Variants in ADGRB3 observed in about 807,000 individuals in gnomAD.
ADGRB3 encodes the protein adhesion G protein-coupled receptor B3.
Under a neutral mutation model 193.4 loss-of-function variants are expected in ADGRB3, and 37 were observed. That is an observed-to-expected ratio of 0.19 (90% CI 0.15 to 0.25). The LOEUF is 0.25. Ranked by LOEUF, ADGRB3 falls within the 10% of genes least tolerant of loss-of-function variation. ADGRB3 has a pLI of 1.00. For synonymous variants in ADGRB3, 690 were observed against 644.2 expected, an observed-to-expected ratio of 1.07 and a Z score of -1.08; for missense variants, 1,637 against 1,852.9, an observed-to-expected ratio of 0.88 and a Z score of 2.14.
At chr6:69,314,752 G>A (rs1313563627) in intron 20 of ADGRB3, among the ~76,000 whole-genome samples, 2 of 151,608 alleles carry the variant, frequency 1.3e-5, no homozygotes, top group East Asian at 1.9e-4. Context: ...TGCTGTCAAT[G>A]TAGCATGTCA....
At chr6:69,298,427 A>G (rs1257899367) in intron 20 of ADGRB3, among the ~76,000 whole-genome samples, 2 of 152,056 alleles carry the variant, frequency 1.3e-5, no homozygotes, top group African/African-American at 2.4e-5. Flanking sequence ...TTTGAAATAT[A>G]CAATAAATTA....
At chr6:69,311,616 C>T (rs1240780734) in intron 20 of ADGRB3, among the ~76,000 whole-genome samples, 1 of 151,704 alleles carries the variant, frequency 6.6e-6, no homozygotes, top group East Asian at 1.9e-4. Context: ...AATGTAGTAG[C>T]CATAACAGAC....
intron 13 of ADGRB3, among the ~76,000 whole-genome samples, chr6:69,023,882 C>G (rs182003831): frequency 1.3e-5 from 2 of 152,024 alleles, no homozygotes; most frequent in African/African-American, 4.8e-5. Flanking sequence ...GATTCCATAA[C>G]TGACTGGGGT....
intron 3 of ADGRB3, among the ~76,000 whole-genome samples, chr6:68,740,722 CATA>C (rs1490228927): frequency 1.3e-5 from 2 of 152,082 alleles, no homozygotes; most frequent in African/African-American, 4.8e-5. Flanking sequence ...GTTAGTAAAA[CATA>C]ATATTTATTT....
chr6:69,033,130 G>A (rs1379793839), intron 13 of ADGRB3, among the ~76,000 whole-genome samples: 1 of 152,068 alleles, frequency 6.6e-6, no homozygotes, highest in Non-Finnish European at 1.5e-5. Context: ...CAGACTTCTA[G>A]GCAGATATTA....
chr6:68,883,096 G>A (rs924127086), intron 3 of ADGRB3, among the ~76,000 whole-genome samples: 4 of 151,988 alleles, frequency 2.6e-5, no homozygotes, highest in African/African-American at 9.7e-5. Flanking sequence ...GGGTTTCACT[G>A]TGTTAGCCAG....
chr6:69,014,833 A>C (rs1374976607), intron 12 of ADGRB3, among the ~76,000 whole-genome samples: 2 of 151,936 alleles, frequency 1.3e-5, no homozygotes, highest in African/African-American at 4.8e-5. Context: ...TGTTAAAAAT[A>C]AGACAATCTT....
At chr6:68,965,362 CCAG>C (rs1195188025) in intron 8 of ADGRB3, among the ~76,000 whole-genome samples, 1 of 152,140 alleles carries the variant, frequency 6.6e-6, no homozygotes, top group Non-Finnish European at 1.5e-5. Flanking sequence ...TCTGCATCCT[CCAG>C]CACAGGGAAT....
chr6:68,849,067 T>C (rs1262795315), intron 3 of ADGRB3, among the ~76,000 whole-genome samples: 15 of 152,030 alleles, frequency 9.9e-5, no homozygotes, highest in Admixed American at 9.8e-4. Context: ...ACTTGGATGA[T>C]GGCTGAAATG....
Position 69,040,392 on chromosome 6 carries a change from T to TTCC in ADGRB3, c.2108-7792_2108-7791insCCT, listed in dbSNP as rs1771018543. ...TTCTTTCTTTCCTTCTCTCTCTTTC[T>TTCC]TTCCTTCACGCAGGTGACTCCATTT... On this transcript the variant is annotated intron_variant, in intron 13 of 31. Transcript: ENST00000370598. Among the ~76,000 whole-genome samples, 10 of 147,308 alleles carry TTCC rather than the reference T, an allele frequency of 6.8e-5. No homozygotes were observed. The East Asian group carries it at 2.0e-3, about 30-fold the overall frequency.
intron 3 of ADGRB3, among the ~76,000 whole-genome samples, chr6:68,883,774 G>C (rs1176598645): frequency 6.6e-6 from 1 of 152,186 alleles, no homozygotes; most frequent in Non-Finnish European, 1.5e-5. Flanking sequence ...TTATAGAACT[G>C]TAACACTCAC....
intron 17 of ADGRB3, among the ~76,000 whole-genome samples, chr6:69,131,990 C>G (rs749649252): frequency 2.6e-5 from 4 of 151,970 alleles, no homozygotes; most frequent in Non-Finnish European, 5.9e-5. Flanking sequence ...TATTCCATGG[C>G]GTATATGTGC....
chr6:69,312,456 A>T (rs866869878), intron 20 of ADGRB3, among the ~76,000 whole-genome samples: 1 of 151,760 alleles, frequency 6.6e-6, no homozygotes. Flanking sequence ...GGAATCAACC[A>T]ATCTCAGGGT....
intron 30 of ADGRB3, among the ~76,000 whole-genome samples, chr6:69,381,073 A>G (rs1379191847): frequency 6.6e-6 from 1 of 151,818 alleles, no homozygotes; most frequent in Non-Finnish European, 1.5e-5. Context: ...TTTCATCAGT[A>G]TCTTAGAACC....
intron 3 of ADGRB3, among the ~76,000 whole-genome samples, chr6:68,691,302 T>C (rs1765067652): frequency 6.6e-6 from 1 of 152,102 alleles, no homozygotes; most frequent in Non-Finnish European, 1.5e-5. Flanking sequence ...AAATAGCTGC[T>C]GACTTTGTAA....
intron 13 of ADGRB3, among the ~76,000 whole-genome samples, chr6:69,035,721 A>T (rs1770849023): frequency 6.6e-6 from 1 of 152,160 alleles, no homozygotes; most frequent in African/African-American, 2.4e-5. Context: ...TTTAATTTAG[A>T]TAGGGTCTGA....
intron 17 of ADGRB3, among the ~76,000 whole-genome samples, chr6:69,126,130 G>A (rs776972059): frequency 9.4e-4 from 143 of 152,220 alleles, no homozygotes; most frequent in Admixed American, 1.8e-3. Context: ...TTGTAATATA[G>A]TATGGTACAT....
intron 26 of ADGRB3, among the ~76,000 whole-genome samples, chr6:69,345,945 T>C (rs1375731983): frequency 6.6e-6 from 1 of 152,182 alleles, no homozygotes; most frequent in Non-Finnish European, 1.5e-5. Context: ...ATCACAAGCA[T>C]TCCTATACAC....
intron 3 of ADGRB3, among the ~76,000 whole-genome samples, chr6:68,769,436 G>A (rs1002872799): frequency 6.6e-6 from 1 of 152,128 alleles, no homozygotes. Flanking sequence ...ACTAACACAG[G>A]AACAGAAAAC....
Sources: gnomAD v4.1 joint callset for allele counts (sites outside exome capture counted in the v4.1 genomes callset) on GRCh38, gnomAD v4.1.1 for gene constraint, MANE v1.5 for transcripts, NCBI Gene and HGNC (gene_info 2026-07-23, HGNC 2026-07-21) for gene names.